Variants in TENM4 observed in about 807,000 individuals in gnomAD.
TENM4 encodes teneurin-4.
In TENM4, 82 loss-of-function variants were observed where a neutral mutation model predicts 243.3. The ratio of observed to expected loss-of-function variants is 0.34; its 90% CI spans 0.28 to 0.40. The LOEUF (loss-of-function observed/expected upper bound fraction) is 0.40. Ranked by LOEUF, TENM4 falls within the 10% of genes least tolerant of loss-of-function variation. TENM4 has a pLI of 1.00. For missense variants in TENM4, 3,138 were observed against 3,673.3 expected (o/e 0.85, Z 3.77); for synonymous variants, 1,412 against 1,456.3 (o/e 0.97, Z 0.69).
chr11:78,704,092 T>C (rs559311937), intron 27 of TENM4, among the ~76,000 whole-genome samples: 136 of 145,504 alleles, frequency 9.3e-4, no homozygotes, highest in African/African-American at 2.9e-3. Flanking sequence ...TACATACATA[T>C]ACATATGTAT....
chr11:78,909,189 A>G (rs988794769), intron 6 of TENM4, among the ~76,000 whole-genome samples: 2 of 152,250 alleles, frequency 1.3e-5, no homozygotes, highest in Admixed American at 1.3e-4. Context: ...AGTCTAGTAA[A>G]GAAAATGGAT....
At chr11:79,221,441 T>C (rs1335289558) in intron 2 of TENM4, among the ~76,000 whole-genome samples, 2 of 151,500 alleles carry the variant, frequency 1.3e-5, no homozygotes, top group African/African-American at 4.9e-5. Flanking sequence ...AAAGACCAAT[T>C]TTCACATTAA....
chr11:78,930,407 A>G (rs1856642383), intron 6 of TENM4, among the ~76,000 whole-genome samples: 1 of 152,168 alleles, frequency 6.6e-6, no homozygotes, highest in African/African-American at 2.4e-5. Context: ...AGTGTAGTAA[A>G]AAGGGAAAGG....
At chr11:79,073,787 A>G (rs1227986305) in intron 4 of TENM4, among the ~76,000 whole-genome samples, 3 of 152,212 alleles carry the variant, frequency 2.0e-5, no homozygotes, top group Admixed American at 6.5e-5. Context: ...CCTAGCATAT[A>G]CAGCCCCTGA....
rs181633113 is a variant in TENM4 at position 78,882,951 on chromosome 11, T to C, written c.1084+6834A>G. 1.2e-3 allele frequency among the ~76,000 whole-genome samples: 180 copies of C among 152,328 alleles called. 1 individual carries two copies. Among genetic ancestry groups the C allele is most frequent in the African/African-American group, 4.3e-3 (177 of 41,568 alleles). ...ACCTAATTTAAGAAAGGATCCCTCA[T>C]TGCTATTACACAAATTGGAATGTTC... On this transcript the variant is annotated intron_variant, in intron 9 of 33. Transcript: ENST00000278550.
intron 1 of TENM4, among the ~76,000 whole-genome samples, chr11:79,303,617 G>A (rs979042960): frequency 2.6e-5 from 4 of 152,084 alleles, no homozygotes; most frequent in Non-Finnish European, 4.4e-5. Flanking sequence ...AGAAACTGGG[G>A]GTAGTGAGAG....
At chr11:79,435,572 T>C (rs1389065840) in intron 1 of TENM4, among the ~76,000 whole-genome samples, 1 of 152,234 alleles carries the variant, frequency 6.6e-6, no homozygotes, top group Non-Finnish European at 1.5e-5. Flanking sequence ...AATCCTATTC[T>C]TCTTTTGTTT....
chr11:78,979,791 G>A (rs1857751079), intron 6 of TENM4, among the ~76,000 whole-genome samples: 1 of 152,086 alleles, frequency 6.6e-6, no homozygotes, highest in Non-Finnish European at 1.5e-5. Context: ...TAGAATCCAG[G>A]GTCTGTCCCG....
chr11:78,946,428 A>G (rs1414674385), intron 6 of TENM4, among the ~76,000 whole-genome samples: 1 of 152,186 alleles, frequency 6.6e-6, no homozygotes, highest in Non-Finnish European at 1.5e-5. Context: ...AAATATTACC[A>G]CTTACTGACA....
At chr11:79,014,628 C>G (rs1243492516) in intron 6 of TENM4, 4 of 152,248 alleles carry the variant, frequency 2.6e-5, no homozygotes, top group Non-Finnish European at 5.9e-5. Flanking sequence ...CAGGGCTCTT[C>G]TGCTTAGAGA....
chr11:79,249,201 A>T (rs1364747216), intron 2 of TENM4, among the ~76,000 whole-genome samples: 1 of 152,232 alleles, frequency 6.6e-6, no homozygotes, highest in African/African-American at 2.4e-5. Flanking sequence ...GTATGTGTTA[A>T]CTTATTAAAT....
Position 78,805,277 on chromosome 11 carries a change from T to TGC in TENM4, c.2179+14_2179+15insGC. ...CCCCTCCCTCTACCCATGCTTCTTC[T>TGC]CCCCCTGCATTTACCGATAGAACAG... On this transcript the variant is annotated intron_variant, in intron 15 of 33. Transcript: ENST00000278550. 147 of 1,402,256 alleles carry TGC rather than the reference T, an allele frequency of 1.0e-4. No individual in the cohort carries two copies. Among genetic ancestry groups the TGC allele is most frequent in the Non-Finnish European group, 1.2e-4 (125 of 1,032,840 alleles). 86.9% of individuals were successfully genotyped at this position (1,402,256 alleles called of 1,614,324 possible). A position where few individuals can be genotyped will look rare whatever the true frequency, so the allele number is the denominator to read the frequency against.
At chr11:78,854,382 CT>C (rs780439192) in intron 11 of TENM4, 68 bp from the exon 12 acceptor site, 101 of 1,377,954 alleles carry the variant, frequency 7.3e-5, no homozygotes, top group Non-Finnish European at 9.0e-5. Flanking sequence ...CTTCCCGGGG[CT>C]TCTCCTGGAG....
intron 18 of TENM4, among the ~76,000 whole-genome samples, chr11:78,765,310 CA>C (rs1419612534): frequency 2.6e-5 from 4 of 152,274 alleles, no homozygotes; most frequent in Non-Finnish European, 5.9e-5. Context: ...TTTTAAAGGT[CA>C]ATTTCTCTCT....
intron 6 of TENM4, among the ~76,000 whole-genome samples, chr11:78,947,341 C>T (rs1857021302): frequency 6.6e-6 from 1 of 152,180 alleles, no homozygotes; most frequent in Non-Finnish European, 1.5e-5. Context: ...ACCAAGACTC[C>T]CTGGTCACAA....
At chr11:79,235,234 AC>A (rs1277200974) in intron 2 of TENM4, among the ~76,000 whole-genome samples, 1 of 152,032 alleles carries the variant, frequency 6.6e-6, no homozygotes, top group African/African-American at 2.4e-5. Context: ...AATCGCTTGA[AC>A]CTGGGAGGCA....
At chr11:79,294,603 CT>C (rs1158593886) in intron 2 of TENM4, among the ~76,000 whole-genome samples, 2 of 142,722 alleles carry the variant, frequency 1.4e-5, no homozygotes, top group African/African-American at 6.2e-5. Flanking sequence ...AATCCCAGCA[CT>C]TTGGGAGGAT....
At chr11:79,337,614 T>C (rs1347995939) in intron 1 of TENM4, among the ~76,000 whole-genome samples, 1 of 152,184 alleles carries the variant, frequency 6.6e-6, no homozygotes, top group South Asian at 2.1e-4. Flanking sequence ...GGTAAAGCTC[T>C]GTGGACCATA....
intron 12 of TENM4, among the ~76,000 whole-genome samples, chr11:78,832,567 T>C (rs542941879): frequency 6.6e-6 from 1 of 152,370 alleles, no homozygotes; most frequent in South Asian, 2.1e-4. Flanking sequence ...ACTTTCATAA[T>C]TGTGTGAAAG....
Sources: gnomAD v4.1 joint callset for allele counts (sites outside exome capture counted in the v4.1 genomes callset) on GRCh38, gnomAD v4.1.1 for gene constraint, MANE v1.5 for transcripts, NCBI Gene and HGNC (gene_info 2026-07-23, HGNC 2026-07-21) for gene names.